The following CPEB4 variants were observed in gnomAD, a reference collection of about 807,000 sequenced individuals.
The protein encoded by CPEB4 is cytoplasmic polyadenylation element binding protein 4.
CPEB4 carries 12 observed loss-of-function variants against 72.5 expected under a neutral mutation model. That is an observed-to-expected ratio of 0.17 (90% CI 0.11 to 0.27). The LOEUF is 0.27. Ranked by LOEUF, CPEB4 falls within the 10% of genes least tolerant of loss-of-function variation. The probability of loss-of-function intolerance (pLI) is 1.00; values close to 1 mark genes in which losing one functional copy is unlikely to be tolerated. For missense variants in CPEB4, 614 were observed against 908.5 expected (o/e 0.68, Z 4.17); for synonymous variants, 302 against 326.3 (o/e 0.93, Z 0.80).
chr5:173,924,461 A>G, intron 2 of CPEB4, among the ~76,000 whole-genome samples: 1 of 152,114 alleles, frequency 6.6e-6, no homozygotes, highest in South Asian at 2.1e-4. Context: ...CCCTTTTCCA[A>G]GGTTCCAGTT....
In CPEB4 at chr5:173,955,841, A is replaced by C. The variant is rs1758360745; in HGVS notation, c.1963-69A>C. On this transcript the variant is annotated intron_variant, in intron 9 of 9. Transcript: ENST00000265085. The surrounding 1 kb of genome is among the most constrained non-coding windows in gnomAD (Gnocchi z 4.7). ...CAGATTCATTCAGATAGTGGGTGGA[A>C]ATGTACATGTATGGTAAGCATTGCT... 1 of 1,234,040 alleles carries C rather than the reference A, an allele frequency of 8.1e-7. No homozygotes were observed. The highest frequency in any genetic ancestry group is 1.2e-6 in the Non-Finnish European group (1 of 860,124). 76.4% of individuals were successfully genotyped at this position (1,234,040 alleles called of 1,614,324 possible).
intron 1 of CPEB4, among the ~76,000 whole-genome samples, chr5:173,894,963 A>G (rs1005913957): frequency 2.0e-5 from 3 of 152,250 alleles, no homozygotes; most frequent in Non-Finnish European, 4.4e-5. Flanking sequence ...TCAACTTTAA[A>G]TGTTAAACTT....
At chr5:173,944,689 C>G (rs1460958297) in intron 4 of CPEB4, among the ~76,000 whole-genome samples, 1 of 152,100 alleles carries the variant, frequency 6.6e-6, no homozygotes, top group African/African-American at 2.4e-5. Flanking sequence ...AAAGTGTGCT[C>G]TCTCCTCCTG....
At position 173,955,258 on chromosome 5, in the gene CPEB4, C is replaced by CT. The variant is rs1758342080; in HGVS notation, c.1963-651dup. Among the ~76,000 whole-genome samples, 1 of 152,170 alleles carries CT rather than the reference C, an allele frequency of 6.6e-6. No homozygotes were observed. The highest frequency in any genetic ancestry group is 2.4e-5 in the African/African-American group (1 of 41,438). On this transcript the variant is annotated intron_variant, in intron 9 of 9. Coordinates refer to ENST00000265085, the MANE Select transcript of CPEB4 (RefSeq NM_030627.4). The surrounding 1 kb of genome is among the most constrained non-coding windows in gnomAD (Gnocchi z 4.7). ...CAGGCCCAGTTTTAGAAATTCACCT[C>CT]TGACTTTTAGACTCAGGTGAACCAT...
chr5:173,907,846 G>A (rs1397794930), intron 1 of CPEB4, among the ~76,000 whole-genome samples: 1 of 152,206 alleles, frequency 6.6e-6, no homozygotes, highest in Non-Finnish European at 1.5e-5. Context: ...AGTCTTGTGG[G>A]CTTAGGACAT....
chr5:173,916,618 G>A (rs973559135), intron 2 of CPEB4, among the ~76,000 whole-genome samples: 3 of 152,036 alleles, frequency 2.0e-5, no homozygotes, highest in Non-Finnish European at 2.9e-5. Flanking sequence ...CTTTATCTAC[G>A]TGTTAAATTT....
At chr5:173,919,786 T>C (rs1410818245) in intron 2 of CPEB4, among the ~76,000 whole-genome samples, 1 of 152,222 alleles carries the variant, frequency 6.6e-6, no homozygotes, top group Non-Finnish European at 1.5e-5. Flanking sequence ...CAGTTCACAA[T>C]TGTGCCACAG....
chr5:173,921,679 G>A (rs12521570), intron 2 of CPEB4, among the ~76,000 whole-genome samples: 4 of 152,330 alleles, frequency 2.6e-5, no homozygotes, highest in Admixed American at 2.0e-4. Context: ...GGGGAGGCAA[G>A]TGCTACTAAA....
intron 2 of CPEB4, among the ~76,000 whole-genome samples, chr5:173,912,389 T>G (rs573077254): frequency 6.6e-5 from 10 of 152,258 alleles, no homozygotes; most frequent in African/African-American, 2.4e-4. Flanking sequence ...TGTATTATAG[T>G]TATGTAAAAT....
chr5:173,925,144 G>T (rs1757199919), intron 2 of CPEB4, among the ~76,000 whole-genome samples: 1 of 152,310 alleles, frequency 6.6e-6, no homozygotes, highest in East Asian at 1.9e-4. Flanking sequence ...GAAGTTATGG[G>T]CCAGCAGTTC....
chr5:173,939,309 G>A (rs1757741366), intron 3 of CPEB4, among the ~76,000 whole-genome samples: 1 of 151,594 alleles, frequency 6.6e-6, no homozygotes, highest in African/African-American at 2.4e-5. Context: ...AATGCCACAT[G>A]CTCAGTTAAT....
At chr5:173,947,883 C>G (rs543531446) in intron 5 of CPEB4, among the ~76,000 whole-genome samples, 1 of 152,078 alleles carries the variant, frequency 6.6e-6, no homozygotes, top group East Asian at 1.9e-4. Context: ...TGGGCTGGGA[C>G]AGGGAAAGAA....
chr5:173,960,176 G>T lies in CPEB4; in HGVS notation c.*4039G>T, dbSNP rs1243707138. On this transcript the variant is annotated 3_prime_UTR_variant, in exon 10 of 10. Transcript: ENST00000265085. ...ATATAACACAGTTCCTTTTTTAAAA[G>T]AGTTCATTTGTTGAAGTGCTAGTGA... 7.9e-5 allele frequency: 12 copies of T among 152,460 alleles called. No homozygotes were observed. The Admixed American group carries it at 7.9e-4, about 10-fold the overall frequency. 9.4% of individuals were successfully genotyped at this position (152,460 alleles called of 1,614,324 possible).
chr5:173,921,847 T>C (rs1181554865), intron 2 of CPEB4, among the ~76,000 whole-genome samples: 1 of 152,204 alleles, frequency 6.6e-6, no homozygotes, highest in Non-Finnish European at 1.5e-5. Flanking sequence ...ACCTGGACAT[T>C]CTGTATGGGA....
At position 173,956,965 on chromosome 5, in the gene CPEB4, C is replaced by G. The variant is rs1758399710; in HGVS notation, c.*828C>G. The G allele has an allele frequency of 6.6e-6, 1 of 152,554 alleles. No homozygotes were observed. The highest frequency in any genetic ancestry group is 2.4e-5 in the African/African-American group (1 of 41,394). The allele number at this position is 152,554 out of a possible 1,614,324, so 9.5% of individuals were successfully genotyped here. On this transcript the variant is annotated 3_prime_UTR_variant, in exon 10 of 10. Coordinates refer to ENST00000265085, the MANE Select transcript of CPEB4 (RefSeq NM_030627.4). ...TTAACTTACTTATCTGGTCAAAGCC[C>G]CAGGAAACCTACCAAAGCTAGAATT...
chr5:173,937,244 T>C (rs983389017), intron 3 of CPEB4, among the ~76,000 whole-genome samples: 9 of 152,130 alleles, frequency 5.9e-5, no homozygotes, highest in Non-Finnish European at 7.4e-5. Flanking sequence ...GGTTTTACAA[T>C]GTTGGCCAGG....
intron 3 of CPEB4, among the ~76,000 whole-genome samples, chr5:173,937,019 CTTTTTTTTTTTTTT>C (rs150187685): frequency 2.1e-5 from 2 of 97,214 alleles, no homozygotes; most frequent in Non-Finnish European, 4.0e-5. Flanking sequence ...CATTTCTTTC[CTTTTTTTTTTTTTT>C]TTTTTTTTGA....
At chr5:173,953,889 C>T (rs1271452983) in intron 9 of CPEB4, among the ~76,000 whole-genome samples, 2 of 152,198 alleles carry the variant, frequency 1.3e-5, no homozygotes, top group African/African-American at 2.4e-5. Flanking sequence ...GCCAGTACTA[C>T]TCAGAGTGTG....
At chr5:173,930,850 A>G (rs1400005956) in intron 2 of CPEB4, among the ~76,000 whole-genome samples, 1 of 151,836 alleles carries the variant, frequency 6.6e-6, no homozygotes, top group African/African-American at 2.4e-5. Context: ...TTAGCCAGGC[A>G]TGGTAGCGGG....
Sources: allele counts gnomAD v4.1 joint callset (sites outside exome capture counted in the v4.1 genomes callset), GRCh38; gene constraint gnomAD v4.1.1; non-coding constraint Gnocchi (gnomAD v3.1); transcripts MANE v1.5; gene names NCBI Gene and HGNC (gene_info 2026-07-23, HGNC 2026-07-21).